Variants in RSU1 observed in about 807,000 individuals in gnomAD.
RSU1 encodes rsu-1.
In RSU1, 26 loss-of-function variants were observed where a neutral mutation model predicts 31.1. That is an observed-to-expected ratio of 0.84 (90% CI 0.61 to 1.16). The LOEUF (loss-of-function observed/expected upper bound fraction) is 1.16. RSU1 is among the 50% of genes most tolerant of loss of function. The pLI is 0.00. For missense variants in RSU1, 320 were observed against 339.1 expected (o/e 0.94, Z 0.44); for synonymous variants, 164 against 136.3 (o/e 1.20, Z -1.41).
chr10:16,592,235 A>G lies in RSU1; in HGVS notation c.*1159T>C, dbSNP rs1214529596. 1 of 152,252 alleles carries G rather than the reference A, an allele frequency of 6.6e-6. No homozygotes were observed. The highest frequency in any genetic ancestry group is 1.9e-4 in the East Asian group (1 of 5,184). The allele number at this position is 152,252 out of a possible 1,614,324, so 9.4% of individuals were successfully genotyped here. ...AAGGGCAGGCCCCCTCTCCCAGGCCATTTGACTCTCCCAGGCCATTTGAAA... is the reference window on the plus strand; with the variant it reads ...AAGGGCAGGCCCCCTCTCCCAGGCCGTTTGACTCTCCCAGGCCATTTGAAA... On this transcript the variant is annotated 3_prime_UTR_variant, in exon 9 of 9. Transcript: ENST00000345264.
chr10:16,660,061 T>C (rs1834860048), intron 8 of RSU1, among the ~76,000 whole-genome samples: 3 of 152,230 alleles, frequency 2.0e-5, no homozygotes, highest in Admixed American at 6.5e-5. Context: ...ATTTGGAAGA[T>C]AGAGATAGTG....
chr10:16,777,216 T>C (rs1837551304), intron 3 of RSU1, among the ~76,000 whole-genome samples: 1 of 152,100 alleles, frequency 6.6e-6, no homozygotes, highest in Non-Finnish European at 1.5e-5. Context: ...CAGTTATTTT[T>C]GAATTAAAAT....
chr10:16,650,686 T>C (rs1212882045), intron 8 of RSU1, among the ~76,000 whole-genome samples: 1 of 150,126 alleles, frequency 6.7e-6, no homozygotes, highest in Non-Finnish European at 1.5e-5. Flanking sequence ...TTCACGCCAT[T>C]CTCCTGCCTC....
chr10:16,650,917 CAGG>C (rs1195477584), intron 8 of RSU1, among the ~76,000 whole-genome samples: 3 of 152,086 alleles, frequency 2.0e-5, no homozygotes, highest in Admixed American at 2.0e-4. Flanking sequence ...AAAGAGAAAG[CAGG>C]AGTTTTTCAT....
intron 8 of RSU1, among the ~76,000 whole-genome samples, chr10:16,681,536 G>A (rs914984465): frequency 2.0e-5 from 3 of 152,002 alleles, no homozygotes; most frequent in Non-Finnish European, 2.9e-5. Flanking sequence ...CCAGATGGGA[G>A]GCAAATTTAA....
intron 8 of RSU1, among the ~76,000 whole-genome samples, chr10:16,685,359 AGGGC>A (rs1294605568): frequency 6.6e-6 from 1 of 152,252 alleles, no homozygotes. Context: ...GAAAGAATTC[AGGGC>A]GAGTCCACAG....
chr10:16,611,449 A>G (rs188309717), intron 8 of RSU1, among the ~76,000 whole-genome samples: 386 of 152,366 alleles, frequency 2.5e-3, no homozygotes, highest in Middle Eastern at 0.01. Flanking sequence ...TTAGAAATAC[A>G]CAACTGAAAA....
chr10:16,772,204 A>G (rs533571029), intron 3 of RSU1, among the ~76,000 whole-genome samples: 31 of 152,370 alleles, frequency 2.0e-4, no homozygotes, highest in South Asian at 4.1e-4. Context: ...GATAAGGTCG[A>G]TTTTAGAGGA....
chr10:16,648,402 T>A (rs1356420111), intron 8 of RSU1, among the ~76,000 whole-genome samples: 1 of 152,238 alleles, frequency 6.6e-6, no homozygotes, highest in African/African-American at 2.4e-5. Context: ...ATTTCTCAAA[T>A]GCTAATGTGC....
intron 2 of RSU1, among the ~76,000 whole-genome samples, chr10:16,788,043 C>T (rs2131657015): frequency 6.6e-6 from 1 of 152,268 alleles, no homozygotes; most frequent in South Asian, 2.1e-4. Context: ...ATTTTTCTGT[C>T]CACCAGACAA....
intron 8 of RSU1, among the ~76,000 whole-genome samples, chr10:16,640,329 A>G (rs1834419015): frequency 2.0e-5 from 3 of 152,154 alleles, no homozygotes; most frequent in Admixed American, 2.0e-4. Flanking sequence ...CTCAACCCTA[A>G]GTAACTTTGT....
intron 7 of RSU1, among the ~76,000 whole-genome samples, chr10:16,732,047 A>T (rs1218315338): frequency 6.6e-6 from 1 of 152,202 alleles, no homozygotes; most frequent in Non-Finnish European, 1.5e-5. Context: ...GAGGAAGTAC[A>T]GTATCAGTAG....
intron 4 of RSU1, among the ~76,000 whole-genome samples, chr10:16,762,479 G>A (rs932721180): frequency 6.6e-6 from 1 of 150,992 alleles, no homozygotes; most frequent in Admixed American, 6.6e-5. Context: ...TTTCTGCTTT[G>A]CCAGATGGGT....
At chr10:16,749,007 C>G (rs1289510976) in intron 7 of RSU1, among the ~76,000 whole-genome samples, 1 of 152,100 alleles carries the variant, frequency 6.6e-6, no homozygotes, top group Non-Finnish European at 1.5e-5. Flanking sequence ...AGGGGCTCAA[C>G]AAACAGTTGT....
At chr10:16,803,155 A>C (rs373066499) in intron 2 of RSU1, among the ~76,000 whole-genome samples, 1 of 152,170 alleles carries the variant, frequency 6.6e-6, no homozygotes, top group East Asian at 1.9e-4. Context: ...GAAGAACTGA[A>C]ACTAATAACT....
chr10:16,813,974 T>C (rs1838468130), intron 2 of RSU1, among the ~76,000 whole-genome samples: 1 of 152,214 alleles, frequency 6.6e-6, no homozygotes, highest in South Asian at 2.1e-4. Context: ...AACCTTACTT[T>C]TATCTTCAAA....
At chr10:16,628,431 T>C (rs1011359615) in intron 8 of RSU1, among the ~76,000 whole-genome samples, 1 of 152,244 alleles carries the variant, frequency 6.6e-6, no homozygotes, top group Non-Finnish European at 1.5e-5. Flanking sequence ...GTGTACCTAA[T>C]ACTTAATTTC....
chr10:16,764,388 A>C lies in RSU1; in HGVS notation c.281+2T>G. Reference sequence around the variant, plus strand: ...CATCCTTTCCGCTCCACTGATACTCACCCAAGGTTCAGGTGTTTGAGTTTC... The same window carrying C: ...CATCCTTTCCGCTCCACTGATACTCCCCCAAGGTTCAGGTGTTTGAGTTTC... On this transcript the variant is annotated splice_donor_variant, in intron 4 of 8. Transcript: ENST00000345264. LOFTEE classifies it high-confidence loss of function. 6.2e-7 allele frequency: 1 copy of C among 1,610,080 alleles called. No homozygotes were observed. The highest frequency in any genetic ancestry group is 8.5e-7 in the Non-Finnish European group (1 of 1,178,082).
chr10:16,785,406 C>CTA lies in RSU1; in HGVS notation c.110-3324_110-3323dup, dbSNP rs56207689. Reference sequence around the variant, plus strand: ...ACTCATTCACTCTCTCTCTATCTTTCTATATATATATACATATATACATAT... The same window carrying CTA: ...ACTCATTCACTCTCTCTCTATCTTTCTATATATATATATACATATATACATAT... On this transcript the variant is annotated intron_variant, in intron 2 of 8. Transcript: ENST00000345264. Among the ~76,000 whole-genome samples, 140 of 85,308 alleles carry CTA rather than the reference C, an allele frequency of 1.6e-3. 10 individuals carry two copies. Among genetic ancestry groups the CTA allele is most frequent in the African/African-American group, 9.8e-3 (108 of 11,006 alleles). 56.0% of individuals were successfully genotyped at this position (85,308 alleles called of 152,430 possible).
Sources: allele counts gnomAD v4.1 joint callset (sites outside exome capture counted in the v4.1 genomes callset), GRCh38; gene constraint gnomAD v4.1.1; transcripts MANE v1.5; gene names NCBI Gene and HGNC (gene_info 2026-07-23, HGNC 2026-07-21).